The following HS6ST3 variants were observed in gnomAD, a reference collection of about 807,000 sequenced individuals.
The protein encoded by HS6ST3 is heparan-sulfate 6-O-sulfotransferase 3.
Under a neutral mutation model 36.7 loss-of-function variants are expected in HS6ST3, and 12 were observed. That is an observed-to-expected ratio of 0.33 (90% CI 0.21 to 0.53). The LOEUF (loss-of-function observed/expected upper bound fraction) is 0.53, where lower values mean the gene tolerates loss of function less well. HS6ST3 is among the 20% of genes least tolerant of loss of function. HS6ST3 has a pLI of 0.95. For synonymous variants in HS6ST3, 240 were observed against 257.5 expected, an observed-to-expected ratio of 0.93 and a Z score of 0.65; for missense variants, 584 against 640.9, an observed-to-expected ratio of 0.91 and a Z score of 0.96.
rs548872242 is a variant in HS6ST3 at position 96,317,306 on chromosome 13, T to TA, written c.707+225738dup. On this transcript the variant is annotated intron_variant, in intron 1 of 1. Transcript: ENST00000376705. ...GCAAAGGACATGACTTCATTCTTTT[T>TA]ATGGCTGTGTAGTATTCCATTATAT... 6.1e-4 allele frequency among the ~76,000 whole-genome samples: 88 copies of TA among 144,352 alleles called. 1 individual carries two copies. Among genetic ancestry groups the TA allele is most frequent in the African/African-American group, 2.2e-3 (85 of 39,474 alleles). 94.7% of individuals were successfully genotyped at this position (144,352 alleles called of 152,430 possible).
At chr13:96,808,480 T>A (rs1878247564) in intron 1 of HS6ST3, among the ~76,000 whole-genome samples, 1 of 152,250 alleles carries the variant, frequency 6.6e-6, no homozygotes, top group South Asian at 2.1e-4. Context: ...TCGAATTGGC[T>A]GTTTTATTGT....
chr13:96,801,403 A>G (rs1225062073), intron 1 of HS6ST3, among the ~76,000 whole-genome samples: 1 of 152,096 alleles, frequency 6.6e-6, no homozygotes, highest in African/African-American at 2.4e-5. Context: ...ATGCTGTCCA[A>G]TATACCGTAT....
chr13:96,668,487 C>T (rs2056671629), intron 1 of HS6ST3, among the ~76,000 whole-genome samples: 1 of 152,084 alleles, frequency 6.6e-6, no homozygotes, highest in Non-Finnish European at 1.5e-5. Context: ...CCTGCCCATA[C>T]CCTGTGAGGC....
chr13:96,263,383 T>C (rs1212727877), intron 1 of HS6ST3, among the ~76,000 whole-genome samples: 2 of 152,302 alleles, frequency 1.3e-5, no homozygotes, highest in Non-Finnish European at 2.9e-5. Flanking sequence ...GTTTTTCCAG[T>C]CCGTATTCTA....
At chr13:96,509,963 C>G (rs2056042410) in intron 1 of HS6ST3, among the ~76,000 whole-genome samples, 1 of 152,014 alleles carries the variant, frequency 6.6e-6, no homozygotes, top group South Asian at 2.1e-4. Flanking sequence ...TATTGATTCT[C>G]CCAATCCATG....
chr13:96,332,051 G>A (rs1365823875), intron 1 of HS6ST3, among the ~76,000 whole-genome samples: 1 of 152,202 alleles, frequency 6.6e-6, no homozygotes, highest in Non-Finnish European at 1.5e-5. Flanking sequence ...CGCGCAGGGT[G>A]CACGCACCCA....
At chr13:96,423,960 A>C (rs1050474073) in intron 1 of HS6ST3, among the ~76,000 whole-genome samples, 1 of 152,194 alleles carries the variant, frequency 6.6e-6, no homozygotes, top group African/African-American at 2.4e-5. Flanking sequence ...AATTATCCAC[A>C]TGCATTAAAT....
intron 1 of HS6ST3, among the ~76,000 whole-genome samples, chr13:96,167,347 C>T (rs2054165994): frequency 1.3e-5 from 2 of 152,050 alleles, no homozygotes; most frequent in African/African-American, 4.8e-5. Context: ...ATCTTTTTTT[C>T]CCCTCTGCCA....
chr13:96,819,686 A>C (rs1878491384), intron 1 of HS6ST3, among the ~76,000 whole-genome samples: 1 of 152,124 alleles, frequency 6.6e-6, no homozygotes, highest in Non-Finnish European at 1.5e-5. Flanking sequence ...AAGCAAACTA[A>C]ATGAGCACAG....
At chr13:96,535,043 T>C (rs757548644) in intron 1 of HS6ST3, among the ~76,000 whole-genome samples, 26 of 152,206 alleles carry the variant, frequency 1.7e-4, no homozygotes, top group African/African-American at 4.3e-4. Context: ...CAGCTGTGTA[T>C]TGAGAAACCT....
chr13:96,766,121 G>A (rs552973738), intron 1 of HS6ST3, among the ~76,000 whole-genome samples: 1 of 152,172 alleles, frequency 6.6e-6, no homozygotes, highest in Non-Finnish European at 1.5e-5. Context: ...AAATTGTAGA[G>A]AGTAGAATTT....
chr13:96,742,492 T>G (rs570203075), intron 1 of HS6ST3, among the ~76,000 whole-genome samples: 59 of 152,174 alleles, frequency 3.9e-4, no homozygotes, highest in African/African-American at 1.4e-3. Flanking sequence ...AAAAAAGATA[T>G]ACCAGGCAAA....
rs566169647 is a variant in HS6ST3, at chr13:96,366,968, C to T, written c.707+275399C>T. On this transcript the variant is annotated intron_variant, in intron 1 of 1. Transcript: ENST00000376705. ...GTAAGATGTGCCTTTGTCCCTCCTT[C>T]GCCTTCTGCCGTGACAGTGAGGCCT... 8.2e-4 allele frequency among the ~76,000 whole-genome samples: 125 copies of T among 152,278 alleles called. No homozygotes were observed. In the Middle Eastern group the frequency reaches 0.014, roughly 17 times the overall value.
At chr13:96,267,688 G>A (rs551381530) in intron 1 of HS6ST3, among the ~76,000 whole-genome samples, 7 of 151,904 alleles carry the variant, frequency 4.6e-5, no homozygotes, top group African/African-American at 7.3e-5. Context: ...AATGTCTGAG[G>A]CTGATTTTAT....
At chr13:96,625,640 C>A (rs987756269) in intron 1 of HS6ST3, among the ~76,000 whole-genome samples, 1 of 151,788 alleles carries the variant, frequency 6.6e-6, no homozygotes, top group Non-Finnish European at 1.5e-5. Flanking sequence ...AACATAGTTT[C>A]TTGTGTTTAT....
chr13:96,815,302 T>G (rs1453568520), intron 1 of HS6ST3, among the ~76,000 whole-genome samples: 5 of 152,216 alleles, frequency 3.3e-5, no homozygotes, highest in African/African-American at 1.2e-4. Context: ...TATGTCCACA[T>G]TTCCCCTCTT....
At chr13:96,362,120 G>C (rs551799904) in intron 1 of HS6ST3, among the ~76,000 whole-genome samples, 1 of 152,240 alleles carries the variant, frequency 6.6e-6, no homozygotes, top group African/African-American at 2.4e-5. Flanking sequence ...GCAGAGGGAG[G>C]CTAGCTAAAA....
intron 1 of HS6ST3, among the ~76,000 whole-genome samples, chr13:96,787,913 T>G (rs1254955296): frequency 6.6e-6 from 1 of 152,148 alleles, no homozygotes; most frequent in Non-Finnish European, 1.5e-5. Context: ...TGATCCATTT[T>G]TTAGTTAATT....
chr13:96,792,808 G>A (rs1594861245), intron 1 of HS6ST3, among the ~76,000 whole-genome samples: 1 of 152,088 alleles, frequency 6.6e-6, no homozygotes, highest in Non-Finnish European at 1.5e-5. Flanking sequence ...AGAAAATTTT[G>A]ATTCTGCATT....
Sources: allele counts gnomAD v4.1 joint callset (sites outside exome capture counted in the v4.1 genomes callset), GRCh38; gene constraint gnomAD v4.1.1; transcripts MANE v1.5; gene names NCBI Gene and HGNC (gene_info 2026-07-23, HGNC 2026-07-21).